Variants in COL4A2 observed in about 807,000 individuals in gnomAD.
COL4A2 encodes collagen type IV alpha 2 chain.
Under a neutral mutation model 200.2 loss-of-function variants are expected in COL4A2, and 99 were observed. That is an observed-to-expected ratio of 0.49 (90% confidence interval 0.42 to 0.58). The LOEUF (loss-of-function observed/expected upper bound fraction) is 0.58, where lower values mean the gene tolerates loss of function less well. Ranked by LOEUF, COL4A2 falls within the 20% of genes least tolerant of loss-of-function variation. The pLI, the probability that COL4A2 is intolerant of heterozygous loss-of-function variation, is 0.00. For synonymous variants in COL4A2, 897 were observed against 900.6 expected (o/e 1.00, Z 0.07); for missense variants, 1,950 against 2,314.1 (o/e 0.84, Z 3.23).
At chr13:110,422,011 C>T (rs1880267292) in intron 4 of COL4A2, among the ~76,000 whole-genome samples, 1 of 152,158 alleles carries the variant, frequency 6.6e-6, no homozygotes, top group Non-Finnish European at 1.5e-5. Flanking sequence ...ATGAAATAAT[C>T]CCCCTGGTCA....
chr13:110,326,757 G>A (rs543114980), intron 3 of COL4A2, among the ~76,000 whole-genome samples: 60 of 152,152 alleles, frequency 3.9e-4, no homozygotes, highest in Admixed American at 2.6e-3. Context: ...CATCCCATCC[G>A]ATTCCTAATC....
chr13:110,320,450 G>C (rs1034810577), intron 3 of COL4A2, among the ~76,000 whole-genome samples: 1 of 152,222 alleles, frequency 6.6e-6, no homozygotes, highest in Non-Finnish European at 1.5e-5. Context: ...TCACTCAGGA[G>C]GGGGAAGGAA....
At chr13:110,349,061 T>C (rs1876835968) in intron 3 of COL4A2, among the ~76,000 whole-genome samples, 1 of 152,234 alleles carries the variant, frequency 6.6e-6, no homozygotes, top group Admixed American at 6.5e-5. Context: ...CTTTAAATGA[T>C]ACTCATGTCT....
chr13:110,404,541 G>C (rs1879492158), intron 4 of COL4A2, among the ~76,000 whole-genome samples: 1 of 152,182 alleles, frequency 6.6e-6, no homozygotes, highest in Non-Finnish European at 1.5e-5. Context: ...GAGGTGCCGG[G>C]AGTGTAATAC....
In COL4A2 at chr13:110,424,955, A is replaced by G; in HGVS notation, c.318A>G (p.Gly106=). Residue 106 remains glycine, a splice_region_variant and synonymous_variant, in exon 6 of 48, where the codon GGA becomes GGG. Transcript: ENST00000360467. ...AATTGCATTTGCTTTCTTCATAGGGAGCAAGAGGCGTTTCTGGATTCCCTG... is the reference window on the plus strand; with the variant it reads ...AATTGCATTTGCTTTCTTCATAGGGGGCAAGAGGCGTTTCTGGATTCCCTG... ...PGVTGPKGDV[G]ARGVSGFPGA... 1 of 1,614,178 alleles carries G rather than the reference A, an allele frequency of 6.2e-7. No individual in the cohort carries two copies. The highest frequency in any genetic ancestry group is 8.5e-7 in the Non-Finnish European group (1 of 1,180,038).
At chr13:110,331,785 C>G (rs192252969) in intron 3 of COL4A2, among the ~76,000 whole-genome samples, 16 of 152,304 alleles carry the variant, frequency 1.1e-4, no homozygotes, top group African/African-American at 3.8e-4. Context: ...TATAGATCTA[C>G]TGGCCATTTG....
intron 16 of COL4A2, among the ~76,000 whole-genome samples, chr13:110,443,075 G>A (rs955265833): frequency 1.3e-5 from 2 of 152,232 alleles, no homozygotes; most frequent in African/African-American, 4.8e-5. Flanking sequence ...CCCTGTGGCT[G>A]TGTGTAGGTT....
At chr13:110,364,814 A>G (rs1327867811) in intron 4 of COL4A2, among the ~76,000 whole-genome samples, 1 of 152,106 alleles carries the variant, frequency 6.6e-6, no homozygotes, top group East Asian at 1.9e-4. Flanking sequence ...CTCAACGGAG[A>G]TTGGATGTTC....
intron 30 of COL4A2, among the ~76,000 whole-genome samples, chr13:110,479,121 A>C (rs56023078): frequency 0.12 from 18,615 of 152,258 alleles, 1,240 homozygotes; most frequent in Middle Eastern, 0.2. Flanking sequence ...CCGGAGGTTC[A>C]GGCTCCTATC....
intron 4 of COL4A2, among the ~76,000 whole-genome samples, chr13:110,363,712 T>C (rs778346143): frequency 6.6e-6 from 1 of 152,146 alleles, no homozygotes; most frequent in Non-Finnish European, 1.5e-5. Context: ...GCCAAAGGCA[T>C]CTTCTATTGT....
intron 4 of COL4A2, among the ~76,000 whole-genome samples, chr13:110,393,249 A>G (rs1319076143): frequency 6.6e-6 from 1 of 152,240 alleles, no homozygotes; most frequent in Non-Finnish European, 1.5e-5. Flanking sequence ...TTTAAAGGCT[A>G]TTTAAGGGAA....
intron 22 of COL4A2, 200 bp downstream of exon 22, chr13:110,459,134 C>A: frequency 4.0e-6 from 2 of 501,586 alleles, no homozygotes; most frequent in Non-Finnish European, 3.3e-6. Flanking sequence ...TGAGAAGGGG[C>A]GCTGCTGTGG....
chr13:110,477,896 A>C, intron 29 of COL4A2, 107 bp from the exon 30 acceptor site: 2 of 1,164,210 alleles, frequency 1.7e-6, no homozygotes, highest in Non-Finnish European at 2.3e-6. Context: ...TAGAGTCCAG[A>C]AAAGCATGAA....
chr13:110,371,439 G>A (rs769258264), intron 4 of COL4A2, among the ~76,000 whole-genome samples: 3 of 152,068 alleles, frequency 2.0e-5, no homozygotes, highest in Non-Finnish European at 2.9e-5. Flanking sequence ...ATTTCCAGGG[G>A]AATAACAATG....
chr13:110,384,329 A>G (rs1878601174), intron 4 of COL4A2, among the ~76,000 whole-genome samples: 1 of 152,214 alleles, frequency 6.6e-6, no homozygotes, highest in African/African-American at 2.4e-5. Flanking sequence ...ACACCTTATT[A>G]AAACAGAGGA....
chr13:110,311,192 A>T (rs1884972068), intron 3 of COL4A2, among the ~76,000 whole-genome samples: 1 of 152,166 alleles, frequency 6.6e-6, no homozygotes, highest in Middle Eastern at 3.2e-3. Flanking sequence ...GGAGAGAAGC[A>T]AGACCCTTCC....
chr13:110,491,289 A>T lies in COL4A2; in HGVS notation c.3403A>T (p.Ile1135Leu). 6.2e-7 allele frequency: 1 copy of T among 1,600,334 alleles called. No homozygotes were observed. Among genetic ancestry groups the T allele is most frequent in the Admixed American group, 1.7e-5 (1 of 58,724 alleles). The part of the protein sequence containing the change: ...GTEGDIGFPG[I>L]TGVTGVQGPP... ...AGAAGGTGACATCGGCTTCCCTGGG[A>T]TAACAGGCGTGACTGGAGTCCAAGG... Residue 1135 changes from isoleucine (I) to leucine (L), a missense_variant, in exon 37 of 48, where the codon ATA becomes TTA. Around this residue, in one of 2 missense-constraint regions of COL4A2, gnomAD observed 1,385 missense variants for 1,720.5 expected, o/e 0.80. Coordinates refer to ENST00000360467, the MANE Select transcript of COL4A2 (RefSeq NM_001846.4).
At chr13:110,311,845 C>T (rs993204936) in intron 3 of COL4A2, among the ~76,000 whole-genome samples, 8 of 152,332 alleles carry the variant, frequency 5.3e-5, no homozygotes, top group Admixed American at 1.3e-4. Flanking sequence ...GGCATCAGTG[C>T]GGGGCCCCTG....
chr13:110,493,875 C>T (rs2477915), intron 39 of COL4A2, among the ~76,000 whole-genome samples: 58,076 of 151,956 alleles, frequency 0.38, 11,935 homozygotes, highest in Middle Eastern at 0.46. Flanking sequence ...AGCACCCGCT[C>T]TCCCCTGTCA....
Sources: gnomAD v4.1 joint callset for allele counts (sites outside exome capture counted in the v4.1 genomes callset) on GRCh38, gnomAD v4.1.1 for gene constraint, gnomAD v4.1.1 regional missense constraint, MANE v1.5 for transcripts, NCBI Gene and HGNC (gene_info 2026-07-23, HGNC 2026-07-21) for gene names.